The following DLG2 variants were observed in gnomAD, a reference collection of about 807,000 sequenced individuals.
The protein encoded by DLG2 is discs large MAGUK scaffold protein 2.
In DLG2, 45 loss-of-function variants were observed where a neutral mutation model predicts 132.5. The ratio of observed to expected loss-of-function variants is 0.34; its 90% CI spans 0.27 to 0.44. The LOEUF (loss-of-function observed/expected upper bound fraction) is 0.44, where lower values mean the gene tolerates loss of function less well. Ranked by LOEUF, DLG2 falls within the 20% of genes least tolerant of loss-of-function variation. The probability of loss-of-function intolerance (pLI) is 1.00; values close to 1 mark genes in which losing one functional copy is unlikely to be tolerated. For synonymous variants in DLG2, 424 were observed against 419.6 expected, an observed-to-expected ratio of 1.01 and a Z score of -0.13; for missense variants, 1,045 against 1,196.9, an observed-to-expected ratio of 0.87 and a Z score of 1.87.
At chr11:85,191,159 C>CGT (rs992957545) in intron 4 of DLG2, among the ~76,000 whole-genome samples, 4 of 121,200 alleles carry the variant, frequency 3.3e-5, no homozygotes, top group Non-Finnish European at 6.7e-5. Context: ...CGCGCGCACG[C>CGT]GCGCACACAC....
At chr11:84,808,106 T>G (rs2076196070) in intron 6 of DLG2, among the ~76,000 whole-genome samples, 2 of 152,108 alleles carry the variant, frequency 1.3e-5, no homozygotes, top group African/African-American at 4.8e-5. Flanking sequence ...AATGCAAATC[T>G]CAATAAATTT....
At chr11:85,438,337 T>C (rs955167379) in intron 3 of DLG2, among the ~76,000 whole-genome samples, 7 of 152,212 alleles carry the variant, frequency 4.6e-5, no homozygotes, top group African/African-American at 1.7e-4. Flanking sequence ...ATAAAATACT[T>C]GCTGTGACAC....
intron 9 of DLG2, among the ~76,000 whole-genome samples, chr11:84,123,021 A>T (rs548366990): frequency 6.6e-6 from 1 of 152,328 alleles, no homozygotes; most frequent in African/African-American, 2.4e-5. Context: ...TTGGAAAAAA[A>T]ACCCCTAATA....
chr11:84,643,901 T>C (rs1210443160), intron 6 of DLG2, among the ~76,000 whole-genome samples: 3 of 152,160 alleles, frequency 2.0e-5, no homozygotes, highest in Admixed American at 6.5e-5. Context: ...TTGTGCCAGG[T>C]AGTTTATATA....
At chr11:83,868,836 G>A (rs377344159) in intron 16 of DLG2, among the ~76,000 whole-genome samples, 384 of 152,240 alleles carry the variant, frequency 2.5e-3, no homozygotes, top group African/African-American at 8.9e-3. Context: ...TTGAAGGTCA[G>A]GGTGTGCTGA....
chr11:84,783,675 T>A (rs2153917531), intron 6 of DLG2, among the ~76,000 whole-genome samples: 1 of 152,258 alleles, frequency 6.6e-6, no homozygotes, highest in East Asian at 1.9e-4. Flanking sequence ...TCTATAAAGG[T>A]AATTACTATT....
intron 7 of DLG2, among the ~76,000 whole-genome samples, chr11:84,502,304 T>C (rs1417302436): frequency 0.11 from 339 of 3,028 alleles, 21 homozygotes; most frequent in African/African-American, 0.21. Context: ...CTTTCTTTCT[T>C]TCTTTCTTTC....
chr11:84,079,050 A>T (rs1222810452), intron 10 of DLG2, among the ~76,000 whole-genome samples: 1 of 152,230 alleles, frequency 6.6e-6, no homozygotes, highest in Non-Finnish European at 1.5e-5. Context: ...AGGGTATTAT[A>T]TACTCAGCAC....
chr11:83,537,228 C>A lies in DLG2; in HGVS notation c.2118-4445G>T, dbSNP rs2095901813. Among the ~76,000 whole-genome samples, 4 of 152,202 alleles carry A rather than the reference C, an allele frequency of 2.6e-5. No individual in the cohort carries two copies. The South Asian group carries it at 8.3e-4, about 32-fold the overall frequency. On this transcript the variant is annotated intron_variant, in intron 20 of 27. Transcript: ENST00000376104. ...AATGGCCATGCTTTAATAAGCCCAA[C>A]TGTCTTCCTCTCCCTCTCTCCCATC...
chr11:84,988,067 G>A (rs1459166617), intron 6 of DLG2, among the ~76,000 whole-genome samples: 1 of 151,552 alleles, frequency 6.6e-6, no homozygotes, highest in East Asian at 1.9e-4. Flanking sequence ...TCAAACAAAT[G>A]AGCAAGAAAA....
At chr11:84,069,540 A>C (rs1227412822) in intron 10 of DLG2, among the ~76,000 whole-genome samples, 1 of 152,136 alleles carries the variant, frequency 6.6e-6, no homozygotes, top group Non-Finnish European at 1.5e-5. Flanking sequence ...TTCATTCCAC[A>C]TTTAAAAAAT....
At chr11:83,695,736 C>T (rs1440049625) in intron 18 of DLG2, among the ~76,000 whole-genome samples, 2 of 151,896 alleles carry the variant, frequency 1.3e-5, no homozygotes, top group Non-Finnish European at 2.9e-5. Context: ...GAGACTCCAT[C>T]TCAAAAAAAG....
At chr11:85,381,680 C>T (rs527358842) in intron 3 of DLG2, among the ~76,000 whole-genome samples, 4 of 152,090 alleles carry the variant, frequency 2.6e-5, no homozygotes, top group South Asian at 2.1e-4. Flanking sequence ...AAGACTAATA[C>T]ACAAACATTA....
At chr11:85,545,412 G>A (rs528431170) in intron 3 of DLG2, among the ~76,000 whole-genome samples, 17 of 152,134 alleles carry the variant, frequency 1.1e-4, no homozygotes, top group African/African-American at 3.4e-4. Context: ...GAGGATTTTC[G>A]CATCAACATT....
At chr11:85,293,525 C>T (rs1348718507) in intron 3 of DLG2, among the ~76,000 whole-genome samples, 8 of 152,062 alleles carry the variant, frequency 5.3e-5, no homozygotes, top group South Asian at 4.1e-4. Context: ...GCCCAAAATG[C>T]GTAAGTTGAA....
chr11:83,791,172 G>T, intron 17 of DLG2: 1 of 643,542 alleles, frequency 1.6e-6, no homozygotes, highest in Non-Finnish European at 2.8e-6. Flanking sequence ...CATGGCATGG[G>T]ACTGCAGTGA....
At chr11:85,481,977 C>A (rs1331335043) in intron 3 of DLG2, among the ~76,000 whole-genome samples, 1 of 152,080 alleles carries the variant, frequency 6.6e-6, no homozygotes, top group Non-Finnish European at 1.5e-5. Flanking sequence ...AATTTGAGCT[C>A]CAAGCCTGCC....
chr11:85,222,506 C>A (rs193162801), intron 4 of DLG2, among the ~76,000 whole-genome samples: 11 of 152,228 alleles, frequency 7.2e-5, no homozygotes, highest in African/African-American at 2.6e-4. Flanking sequence ...AGTTACTATT[C>A]TAAGCATTTC....
chr11:83,697,983 T>C (rs993547134), intron 18 of DLG2, among the ~76,000 whole-genome samples: 1 of 152,216 alleles, frequency 6.6e-6, no homozygotes, highest in African/African-American at 2.4e-5. Flanking sequence ...TGATTTCACA[T>C]AGGAGCTTTT....
Sources: gnomAD v4.1 joint callset for allele counts (sites outside exome capture counted in the v4.1 genomes callset) on GRCh38, gnomAD v4.1.1 for gene constraint, MANE v1.5 for transcripts, NCBI Gene and HGNC (gene_info 2026-07-23, HGNC 2026-07-21) for gene names.